The following SPOCK1 variants were observed in gnomAD, a reference collection of about 807,000 sequenced individuals.
The protein encoded by SPOCK1 is testican-1.
A neutral mutation model predicts 55.3 loss-of-function variants in SPOCK1; 23 were observed. The observed-to-expected ratio is 0.42, with a 90% CI of 0.30 to 0.59. SPOCK1 has a LOEUF of 0.59. Among genes scored for constraint, SPOCK1 ranks in the 20% least tolerant of loss-of-function variants. The pLI, the probability that SPOCK1 is intolerant of heterozygous loss-of-function variation, is 0.22. For missense variants in SPOCK1, 499 were observed against 552.5 expected, an observed-to-expected ratio of 0.90 and a Z score of 0.97; for synonymous variants, 226 against 221.0, an observed-to-expected ratio of 1.02 and a Z score of -0.20.
chr5:137,195,104 T>C lies in SPOCK1; in HGVS notation c.233-54410A>G, dbSNP rs544081936. Reference sequence around the variant, plus strand: ...CGGCAAAGGGGTCATCCATCACTTCTTTTGTTTTCTTCTCACTCTAACAAT... The same window carrying C: ...CGGCAAAGGGGTCATCCATCACTTCCTTTGTTTTCTTCTCACTCTAACAAT... On this transcript the variant is annotated intron_variant, in intron 3 of 10. Transcript: ENST00000394945. 2.7e-4 allele frequency among the ~76,000 whole-genome samples: 41 copies of C among 152,358 alleles called. 1 individual carries two copies. The South Asian group carries it at 8.1e-3, about 30-fold the overall frequency.
chr5:137,032,821 G>A (rs1561585609), intron 6 of SPOCK1, among the ~76,000 whole-genome samples: 1 of 152,176 alleles, frequency 6.6e-6, no homozygotes, highest in Non-Finnish European at 1.5e-5. Flanking sequence ...GTAACGAGGT[G>A]TTCAAGACAG....
chr5:137,288,708 G>C (rs1466939043), intron 2 of SPOCK1, among the ~76,000 whole-genome samples: 2 of 152,150 alleles, frequency 1.3e-5, no homozygotes, highest in East Asian at 3.9e-4. Flanking sequence ...TTCTAAGCAA[G>C]GTTATTGAAG....
At chr5:137,245,096 AC>A (rs1476122899) in intron 3 of SPOCK1, among the ~76,000 whole-genome samples, 1 of 152,146 alleles carries the variant, frequency 6.6e-6, no homozygotes, top group African/African-American at 2.4e-5. Flanking sequence ...TCTCCCTCCC[AC>A]CCCTATCCTC....
At chr5:137,116,474 G>A (rs1290599580) in intron 4 of SPOCK1, among the ~76,000 whole-genome samples, 4 of 151,706 alleles carry the variant, frequency 2.6e-5, no homozygotes, top group South Asian at 2.1e-4. Flanking sequence ...GCGAAACCCC[G>A]TCTCTACTAA....
intron 2 of SPOCK1, among the ~76,000 whole-genome samples, chr5:137,279,119 C>G (rs1757125176): frequency 6.6e-6 from 1 of 152,062 alleles, no homozygotes; most frequent in Non-Finnish European, 1.5e-5. Context: ...CTGGGGAGCC[C>G]CTGGAGGGCT....
In SPOCK1 at chr5:137,000,498, C is replaced by T. The variant is rs559093045; in HGVS notation, c.590-7898G>A. On this transcript the variant is annotated intron_variant, in intron 6 of 10. Coordinates refer to ENST00000394945, the MANE Select transcript of SPOCK1 (RefSeq NM_004598.4). ...TCCCAGTACAGCATGGTAGGCTCCT[C>T]CTCACCAACAGGGACCATGTCCCTC... 2.6e-5 allele frequency among the ~76,000 whole-genome samples: 4 copies of T among 152,270 alleles called. No individual in the cohort carries two copies. The South Asian group carries it at 8.3e-4, about 32-fold the overall frequency.
At chr5:137,175,764 G>A (rs1754841005) in intron 3 of SPOCK1, among the ~76,000 whole-genome samples, 2 of 152,108 alleles carry the variant, frequency 1.3e-5, no homozygotes, top group African/African-American at 4.8e-5. Flanking sequence ...CATATAGAAT[G>A]TACTCAGAAA....
At chr5:137,103,893 T>C (rs1753315175) in intron 5 of SPOCK1, among the ~76,000 whole-genome samples, 1 of 152,220 alleles carries the variant, frequency 6.6e-6, no homozygotes, top group Non-Finnish European at 1.5e-5. Context: ...GAAAGAAGGT[T>C]GAAAATGAGC....
chr5:137,421,589 A>T (rs1235847419), intron 2 of SPOCK1, among the ~76,000 whole-genome samples: 2 of 152,072 alleles, frequency 1.3e-5, no homozygotes, highest in East Asian at 1.9e-4. Context: ...GTTGGTTTGA[A>T]GTCTGTTTTA....
intron 2 of SPOCK1, among the ~76,000 whole-genome samples, chr5:137,275,045 G>T (rs1383435426): frequency 6.6e-6 from 1 of 152,214 alleles, no homozygotes; most frequent in Non-Finnish European, 1.5e-5. Context: ...ACCTGAACCT[G>T]CTCTGAACAG....
At chr5:137,465,012 G>A (rs568745234) in intron 2 of SPOCK1, among the ~76,000 whole-genome samples, 7 of 152,102 alleles carry the variant, frequency 4.6e-5, no homozygotes, top group Admixed American at 1.3e-4. Context: ...CAGAGAGAAC[G>A]TGCAGAAAAC....
At chr5:137,419,227 G>A (rs1431161999) in intron 2 of SPOCK1, among the ~76,000 whole-genome samples, 1 of 152,180 alleles carries the variant, frequency 6.6e-6, no homozygotes, top group African/African-American at 2.4e-5. Flanking sequence ...TTTGAAGTCA[G>A]GTAGGGTAAT....
intron 6 of SPOCK1, among the ~76,000 whole-genome samples, chr5:137,062,138 C>G (rs1482755065): frequency 6.6e-6 from 1 of 152,174 alleles, no homozygotes; most frequent in East Asian, 1.9e-4. Context: ...AGAATGGAGT[C>G]ACTCTGGAGG....
intron 6 of SPOCK1, among the ~76,000 whole-genome samples, chr5:137,046,460 A>T (rs1752107721): frequency 6.6e-6 from 1 of 152,026 alleles, no homozygotes; most frequent in Non-Finnish European, 1.5e-5. Flanking sequence ...GGTGTATAAG[A>T]ATGCTTGTGA....
At chr5:137,227,045 AGGAT>A (rs766860846) in intron 3 of SPOCK1, among the ~76,000 whole-genome samples, 2 of 152,220 alleles carry the variant, frequency 1.3e-5, no homozygotes, top group Non-Finnish European at 1.5e-5. Flanking sequence ...ATTTTGACTG[AGGAT>A]TTCTAACAAG....
At chr5:137,450,268 C>T (rs1340314224) in intron 2 of SPOCK1, among the ~76,000 whole-genome samples, 1 of 152,218 alleles carries the variant, frequency 6.6e-6, no homozygotes, top group Non-Finnish European at 1.5e-5. Context: ...GAATTTATCA[C>T]CTTTGGTAAT....
chr5:137,112,511 A>C lies in SPOCK1; in HGVS notation c.398T>G (p.Leu133Trp), dbSNP rs1205221878. 1.2e-6 allele frequency: 2 copies of C among 1,613,720 alleles called. No homozygotes were observed. Among genetic ancestry groups the C allele is most frequent in the East Asian group, 4.5e-5 (2 of 44,890 alleles). Residue 133 changes from leucine (L) to tryptophan (W), a missense_variant, in exon 5 of 11, where the codon TTG becomes TGG. Leu to Trp is a moderately conservative substitution (Grantham distance 61). Coordinates refer to ENST00000394945, the MANE Select transcript of SPOCK1 (RefSeq NM_004598.4). ...CACGGGACAGGGCTTGCACTTGACC[A>C]AATTCGAAGGTCCAACCCAGTGTTT... ...AQKHWVGPSN[L>W]VKCKPCPVAQ...
intron 6 of SPOCK1, among the ~76,000 whole-genome samples, chr5:137,036,372 T>A (rs928299926): frequency 6.6e-5 from 10 of 152,102 alleles, no homozygotes; most frequent in African/African-American, 2.4e-4. Context: ...TATGAAGACT[T>A]CTCTTCCATC....
At chr5:137,096,679 C>A (rs1753152632) in intron 5 of SPOCK1, among the ~76,000 whole-genome samples, 1 of 152,242 alleles carries the variant, frequency 6.6e-6, no homozygotes, top group African/African-American at 2.4e-5. Flanking sequence ...ATCGTTTGCA[C>A]TCATTTGCCA....
Sources: gnomAD v4.1 joint callset for allele counts (sites outside exome capture counted in the v4.1 genomes callset) on GRCh38, gnomAD v4.1.1 for gene constraint, MANE v1.5 for transcripts, NCBI Gene and HGNC (gene_info 2026-07-23, HGNC 2026-07-21) for gene names.